BCL2L11: variants seen among roughly 807,000 people sequenced by gnomAD.
BCL2L11 encodes BCL2 like 11.
BCL2L11 carries 15 observed loss-of-function variants against 20.6 expected under a neutral mutation model. The observed-to-expected ratio is 0.73, with a 90% CI of 0.49 to 1.12. The LOEUF is 1.12. BCL2L11 is among the 50% of genes most tolerant of loss of function. The pLI is 0.00. For synonymous variants in BCL2L11, 108 were observed against 92.8 expected, an observed-to-expected ratio of 1.16 and a Z score of -0.94; for missense variants, 292 against 260.9, an observed-to-expected ratio of 1.12 and a Z score of -0.82.
chr2:111,150,150 AATG>A lies in BCL2L11; in HGVS notation c.498+7_498+9del, dbSNP rs1174342633. On this transcript the variant is annotated splice_donor_5th_base_variant and intron_variant, in intron 3 of 3. Coordinates refer to ENST00000393256, the MANE Select transcript of BCL2L11 (RefSeq NM_138621.5). Reference sequence around the variant, plus strand: ...TTAACGCTTACTATGCAAGGAGGGTAATGATGTTTTCTTTACCCGCTTTTCTGC... The same window carrying A: ...TTAACGCTTACTATGCAAGGAGGGTAATGTTTTCTTTACCCGCTTTTCTGC... 5 of 1,613,166 alleles carry A rather than the reference AATG, an allele frequency of 3.1e-6. No individual in the cohort carries two copies. The highest frequency in any genetic ancestry group is 2.2e-5 in the East Asian group (1 of 44,864).
At chr2:111,126,116 C>T (rs2072541256) in intron 2 of BCL2L11, among the ~76,000 whole-genome samples, 1 of 152,138 alleles carries the variant, frequency 6.6e-6, no homozygotes, top group Non-Finnish European at 1.5e-5. Flanking sequence ...ATACATTGGT[C>T]TCTGTAGGTG....
At position 111,121,012 on chromosome 2, in the gene BCL2L11, C is replaced by T. The variant is rs2070781334; in HGVS notation, c.-190C>T. On this transcript the variant is annotated 5_prime_UTR_variant, in exon 1 of 4. Transcript: ENST00000393256. ...CCGCCGCCGCCGCCGCCGCCGCCGC[C>T]GCCGCCGCCACTACCACCACTTGAT... 1 of 398,346 alleles carries T rather than the reference C, an allele frequency of 2.5e-6. No homozygotes were observed. The highest frequency in any genetic ancestry group is 4.4e-6 in the Non-Finnish European group (1 of 226,110). 24.7% of individuals were successfully genotyped at this position (398,346 alleles called of 1,614,324 possible).
At chr2:111,153,655 A>G (rs1349485954) in intron 3 of BCL2L11, 1 of 1,183,698 alleles carries the variant, frequency 8.4e-7, no homozygotes, top group South Asian at 1.4e-5. Context: ...TAGGATGGAT[A>G]TTAACCTTTT....
chr2:111,128,957 G>A (rs2150292465), intron 2 of BCL2L11: 7 of 807,566 alleles, frequency 8.7e-6, no homozygotes, highest in Non-Finnish European at 1.3e-5. Flanking sequence ...AGAGGAGCTG[G>A]AGTGTGCAGT....
chr2:111,128,661 G>A (rs1206673954), intron 2 of BCL2L11: 1 of 1,538,642 alleles, frequency 6.5e-7, no homozygotes, highest in Admixed American at 2.0e-5. Context: ...ATCTTTCACT[G>A]TGCTTTGGAT....
intron 2 of BCL2L11, among the ~76,000 whole-genome samples, chr2:111,141,527 G>A (rs1460040848): frequency 1.8e-5 from 2 of 109,366 alleles, no homozygotes; most frequent in African/African-American, 3.5e-5. Flanking sequence ...GGTGGGGGGA[G>A]GGGGGAGGGA....
At chr2:111,154,900 G>T (rs2077648064) in intron 3 of BCL2L11, among the ~76,000 whole-genome samples, 1 of 152,180 alleles carries the variant, frequency 6.6e-6, no homozygotes, top group African/African-American at 2.4e-5. Context: ...TAATGATTTG[G>T]CGGGAGGCAC....
intron 3 of BCL2L11, among the ~76,000 whole-genome samples, chr2:111,158,974 A>G (rs1036721871): frequency 6.6e-6 from 1 of 152,156 alleles, no homozygotes; most frequent in Admixed American, 6.5e-5. Flanking sequence ...CCTTGGGCCC[A>G]GTGGGTGTCA....
Position 111,123,954 on chromosome 2 carries a change from C to G in BCL2L11, c.209C>G (p.Pro70Arg), listed in dbSNP as rs142060590. The G allele has an allele frequency of 1.2e-5, 19 of 1,614,120 alleles. No individual in the cohort carries two copies. Among genetic ancestry groups the G allele is most frequent in the Non-Finnish European group, 1.6e-5 (19 of 1,180,042 alleles). ...PQGPLAPPAS[P>R]GPFATRSPLF... Reference sequence around the variant, plus strand: ...GGCCCGCTGGCCCCACCTGCCAGCCCTGGCCCTTTTGCTACCAGATCCCCG... The same window carrying G: ...GGCCCGCTGGCCCCACCTGCCAGCCGTGGCCCTTTTGCTACCAGATCCCCG... Residue 70 changes from proline to arginine, a missense_variant, in exon 2 of 4, where the codon CCT becomes CGT. Physicochemically the swap from Pro to Arg is moderately radical, Grantham distance 103. Coordinates refer to ENST00000393256, the MANE Select transcript of BCL2L11 (RefSeq NM_138621.5).
intron 2 of BCL2L11, chr2:111,145,863 G>T: frequency 1.5e-6 from 1 of 667,152 alleles, no homozygotes; most frequent in Non-Finnish European, 1.9e-6. Context: ...ACACACTTTT[G>T]GCAAAAATTG....
At chr2:111,136,916 A>G (rs1299454943) in intron 2 of BCL2L11, among the ~76,000 whole-genome samples, 1 of 152,192 alleles carries the variant, frequency 6.6e-6, no homozygotes, top group African/African-American at 2.4e-5. Flanking sequence ...ACTTACAATG[A>G]TGGAAAGAGA....
In BCL2L11 at chr2:111,123,377, A is replaced by G. The variant is rs567471731; in HGVS notation, c.-13-356A>G. 160 of 985,430 alleles carry G rather than the reference A, an allele frequency of 1.6e-4. 3 individuals are homozygous for G. The South Asian group carries it at 6.7e-3, about 41-fold the overall frequency. The allele number at this position is 985,430 out of a possible 1,614,324, so 61.0% of individuals were successfully genotyped here. A position where few individuals can be genotyped will look rare whatever the true frequency, so the allele number is the denominator to read the frequency against. On this transcript the variant is annotated intron_variant, in intron 1 of 3. Coordinates refer to ENST00000393256, the MANE Select transcript of BCL2L11 (RefSeq NM_138621.5). ...CTCCGGCGTCCTACCTAACCCCGGG[A>G]AGTCAGAGCCGCTGGGAGTTTCTGA...
intron 3 of BCL2L11, among the ~76,000 whole-genome samples, chr2:111,154,443 C>A (rs188595979): frequency 6.6e-6 from 1 of 152,000 alleles, no homozygotes; most frequent in African/African-American, 2.4e-5. Context: ...CCTCTGGTTC[C>A]GTTAATTTGG....
At chr2:111,149,608 T>C (rs10184163) in intron 2 of BCL2L11, among the ~76,000 whole-genome samples, 3,963 of 152,304 alleles carry the variant, frequency 0.026, 165 homozygotes, top group African/African-American at 0.089. Context: ...TATTTTTGGA[T>C]GATGTTTGAA....
chr2:111,122,011 G>C (rs1055933716), intron 1 of BCL2L11, among the ~76,000 whole-genome samples: 2 of 152,228 alleles, frequency 1.3e-5, no homozygotes, highest in African/African-American at 4.8e-5. Flanking sequence ...GTTGCCCCAG[G>C]GTTGGCGCTG....
chr2:111,135,921 G>T (rs780063136), intron 2 of BCL2L11, among the ~76,000 whole-genome samples: 2 of 152,226 alleles, frequency 1.3e-5, no homozygotes, highest in Non-Finnish European at 2.9e-5. Flanking sequence ...CAGGGCAGCC[G>T]GATCACCTCT....
rs1277089080 is a variant in BCL2L11 at position 111,166,113 on chromosome 2, G to GC, written c.*1883dup. 1 of 152,668 alleles carries GC rather than the reference G, an allele frequency of 6.6e-6. No individual in the cohort carries two copies. Among genetic ancestry groups the GC allele is most frequent in the African/African-American group, 2.4e-5 (1 of 41,458 alleles). 9.5% of individuals were successfully genotyped at this position (152,668 alleles called of 1,614,324 possible). ...GGTCATACAAAGCCCACGGTTACAA[G>GC]CAGTGGTAGGATTGCAGCCGTGGGC... On this transcript the variant is annotated 3_prime_UTR_variant, in exon 4 of 4. Coordinates refer to ENST00000393256, the MANE Select transcript of BCL2L11 (RefSeq NM_138621.5).
At chr2:111,123,340 C>T in intron 1 of BCL2L11, 2 of 985,494 alleles carry the variant, frequency 2.0e-6, no homozygotes, top group Non-Finnish European at 2.4e-6. Context: ...TGCATCTGCG[C>T]CCGCTCCTGT....
At chr2:111,122,556 T>G in intron 1 of BCL2L11, 12 of 944,702 alleles carry the variant, frequency 1.3e-5, no homozygotes, top group Non-Finnish European at 1.5e-5. Flanking sequence ...CGCGGACCAA[T>G]TGGGAACGCG....
Sources: gnomAD v4.1 joint callset for allele counts (sites outside exome capture counted in the v4.1 genomes callset) on GRCh38, gnomAD v4.1.1 for gene constraint, MANE v1.5 for transcripts, NCBI Gene and HGNC (gene_info 2026-07-23, HGNC 2026-07-21) for gene names.